Variants in ALG10 observed in about 807,000 individuals in gnomAD.
The protein encoded by ALG10 is ALG10 alpha-1,2-glucosyltransferase.
Under a neutral mutation model 39.2 loss-of-function variants are expected in ALG10, and 25 were observed. The ratio of observed to expected loss-of-function variants is 0.64; its 90% CI spans 0.46 to 0.89. ALG10 has a LOEUF of 0.89. ALG10 is among the 40% of genes least tolerant of loss of function. ALG10 has a pLI of 0.00. For missense variants in ALG10, 486 were observed against 546.6 expected (o/e 0.89, Z 1.11); for synonymous variants, 184 against 193.9 (o/e 0.95, Z 0.42).
rs1475414478 is a variant in ALG10 at position 34,026,728 on chromosome 12, T to G, written c.1235T>G (p.Leu412Arg). The change falls in exon 3 of 3, where the codon CTG becomes CGG. Residue 412 changes from leucine to arginine, a missense_variant. By Grantham distance (102) the Leu-to-Arg change is moderately radical. Transcript: ENST00000266483. ...TTCACTGTTATAGTTCCTCAGAAAC[T>G]GCTGGAATTTCGTTACTTCATTTTA... ...CLFTVIVPQK[L>R]LEFRYFILPY... is the part of the protein sequence containing the mutation. The G allele has an allele frequency of 1.2e-6, 2 of 1,613,958 alleles. No individual in the cohort carries two copies. Among genetic ancestry groups the G allele is most frequent in the South Asian group, 2.2e-5 (2 of 91,066 alleles).
rs768448511 is a variant in ALG10, at chr12:34,022,604, C to T, written c.5C>T (p.Ala2Val). 1.3e-5 allele frequency: 21 copies of T among 1,613,936 alleles called. No homozygotes were observed. The highest frequency in any genetic ancestry group is 1.5e-5 in the Non-Finnish European group (18 of 1,179,998). The change falls in exon 1 of 3, where the codon GCG becomes GTG. Residue 2 changes from alanine to valine, a missense_variant. By Grantham distance (64) the Ala-to-Val change is moderately conservative (BLOSUM62 0). Coordinates refer to ENST00000266483, the MANE Select transcript of ALG10 (RefSeq NM_032834.4). Reference sequence around the variant, plus strand: ...GCAGTGGCTGTGGGAGCTGGAATGGCGCAGCTGGAAGGTTACTATTTCTCG... The same window carrying T: ...GCAGTGGCTGTGGGAGCTGGAATGGTGCAGCTGGAAGGTTACTATTTCTCG... The part of the protein sequence containing the change: M[A>V]QLEGYYFSAA...
At chr12:34,022,388 AT>A, upstream of ALG10, 1 of 705,632 alleles carries the variant, frequency 1.4e-6, no homozygotes, top group Admixed American at 2.8e-5. Flanking sequence ...GAGGGTAATC[AT>A]CCGGTCCGTT....
At position 34,026,023 on chromosome 12, in the gene ALG10, T is replaced by A. The variant is rs1565603206; in HGVS notation, c.530T>A (p.Phe177Tyr). Residue 177 changes from phenylalanine to tyrosine, a missense_variant, in exon 3 of 3, where the codon TTC becomes TAC. By Grantham distance (22) the Phe-to-Tyr change is conservative. Coordinates refer to ENST00000266483, the MANE Select transcript of ALG10 (RefSeq NM_032834.4). Reference sequence around the variant, plus strand: ...TATGGAAATCATAAAACTTCAGCCTTCCTTGGATTTTGTGGCTTCATGTTT... The same window carrying A: ...TATGGAAATCATAAAACTTCAGCCTACCTTGGATTTTGTGGCTTCATGTTT... ...CLYGNHKTSA[F>Y]LGFCGFMFRQ... 1.2e-6 allele frequency: 2 copies of A among 1,614,100 alleles called. No homozygotes were observed. The highest frequency in any genetic ancestry group is 3.3e-5 in the Admixed American group (2 of 60,006).
At chr12:34,025,813 G>A (rs924083077) in intron 2 of ALG10, 50 bp from the exon 3 acceptor site, 10 of 1,607,616 alleles carry the variant, frequency 6.2e-6, no homozygotes, top group Non-Finnish European at 8.5e-6. Context: ...AGCAGAAATA[G>A]CATTTTTTGT....
chr12:34,026,049 C>T lies in ALG10; in HGVS notation c.556C>T (p.Arg186Trp), dbSNP rs1283038610. 8.7e-6 allele frequency: 14 copies of T among 1,613,822 alleles called. No homozygotes were observed. The highest frequency in any genetic ancestry group is 3.3e-5 in the Admixed American group (2 of 59,966). The change falls in exon 3 of 3, where the codon CGG (arginine) becomes TGG (tryptophan). Residue 186 changes from arginine to tryptophan, a missense_variant. Coordinates refer to ENST00000266483, the MANE Select transcript of ALG10 (RefSeq NM_032834.4). ...AFLGFCGFMF[R>W]QTNIIWAVFC... ...CCTTGGATTTTGTGGCTTCATGTTT[C>T]GGCAAACAAATATCATCTGGGCTGT...
In ALG10 at chr12:34,027,179, GC is replaced by G. The variant is rs1942843314; in HGVS notation, c.*268del. On this transcript the variant is annotated 3_prime_UTR_variant, in exon 3 of 3. Transcript: ENST00000266483. ...ATCTCATATCACTCTCATAATGTTG[GC>G]CCCTTAAAAAGCTTGGGAATGTTTT... 3.6e-6 allele frequency: 1 copy of G among 279,124 alleles called. No individual in the cohort carries two copies. The highest frequency in any genetic ancestry group is 6.6e-6 in the Non-Finnish European group (1 of 152,470). The allele number at this position is 279,124 out of a possible 1,614,324, so 17.3% of individuals were successfully genotyped here.
Position 34,026,547 on chromosome 12 carries a change from A to G in ALG10, c.1054A>G (p.Arg352Gly). ...TCATAAATACTTGCTAGCAGACAATAGACATTATACTTTCTATGTGTGGAA... is the reference window on the plus strand; with the variant it reads ...TCATAAATACTTGCTAGCAGACAATGGACATTATACTTTCTATGTGTGGAA... ...YAHKYLLADNRHYTFYVWKRV... is the reference protein window; with the variant it reads ...YAHKYLLADNGHYTFYVWKRV... The change falls in exon 3 of 3, where the codon AGA becomes GGA. Residue 352 changes from arginine to glycine, a missense_variant. Physicochemically the swap from Arg to Gly is moderately radical, Grantham distance 125 (BLOSUM62 -2). Coordinates refer to ENST00000266483, the MANE Select transcript of ALG10 (RefSeq NM_032834.4). 1.9e-6 allele frequency: 3 copies of G among 1,613,814 alleles called. No individual in the cohort carries two copies. The highest frequency in any genetic ancestry group is 1.7e-6 in the Non-Finnish European group (2 of 1,179,890).
At position 34,026,783 on chromosome 12, in the gene ALG10, T is replaced by A. The variant is rs1942838100; in HGVS notation, c.1290T>A (p.Pro430=). ...ATGTCATTTATAGGCTTAACATACC[T>A]CTGCCTCCCACATCCAGACTCATTT... The part of the protein sequence containing the change: ...LPYVIYRLNI[P]LPPTSRLICE... Residue 430 remains proline, a synonymous_variant, in exon 3 of 3, where the codon CCT becomes CCA. Transcript: ENST00000266483. The A allele has an allele frequency of 6.2e-7, 1 of 1,613,902 alleles. No individual in the cohort carries two copies. The highest frequency in any genetic ancestry group is 8.5e-7 in the Non-Finnish European group (1 of 1,179,916).
At position 34,026,720 on chromosome 12, in the gene ALG10, T is replaced by C. The variant is rs1942837411; in HGVS notation, c.1227T>C (p.Pro409=). Residue 409 remains proline, a synonymous_variant, in exon 3 of 3, where the codon CCT becomes CCC. Coordinates refer to ENST00000266483, the MANE Select transcript of ALG10 (RefSeq NM_032834.4). ...TATGCTTGTTCACTGTTATAGTTCC[T>C]CAGAAACTGCTGGAATTTCGTTACT... ...FFICLFTVIV[P]QKLLEFRYFI... 1 of 1,613,824 alleles carries C rather than the reference T, an allele frequency of 6.2e-7. No homozygotes were observed. Among genetic ancestry groups the C allele is most frequent in the African/African-American group, 1.3e-5 (1 of 74,922 alleles).
Position 34,022,629 on chromosome 12 carries a change from G to A in ALG10, c.30G>A (p.Ser10=). MAQLEGYYF[S]AALSCTFLVS... ...CGCAGCTGGAAGGTTACTATTTCTCGGCCGCCTTGAGCTGTACCTTTTTAG... is the reference window on the plus strand; with the variant it reads ...CGCAGCTGGAAGGTTACTATTTCTCAGCCGCCTTGAGCTGTACCTTTTTAG... Residue 10 remains serine, a synonymous_variant, in exon 1 of 3, where the codon TCG becomes TCA. Transcript: ENST00000266483. 6.2e-7 allele frequency: 1 copy of A among 1,614,126 alleles called. No individual in the cohort carries two copies. The highest frequency in any genetic ancestry group is 1.3e-5 in the African/African-American group (1 of 75,026).
rs1488967375 is a variant in ALG10, at chr12:34,022,634, C to A, written c.35C>A (p.Ala12Asp). The A allele has an allele frequency of 3.1e-6, 5 of 1,614,026 alleles. No individual in the cohort carries two copies. Among genetic ancestry groups the A allele is most frequent in the Non-Finnish European group, 4.2e-6 (5 of 1,180,018 alleles). Residue 12 changes from alanine to aspartate, a missense_variant, in exon 1 of 3, where the codon GCC becomes GAC. Physicochemically the swap from Ala to Asp is moderately radical, Grantham distance 126. Transcript: ENST00000266483. ...AQLEGYYFSA[A>D]LSCTFLVSCL... ...CTGGAAGGTTACTATTTCTCGGCCG[C>A]CTTGAGCTGTACCTTTTTAGTATCC...
chr12:34,025,189 G>A (rs1942817704), intron 2 of ALG10, among the ~76,000 whole-genome samples: 1 of 152,102 alleles, frequency 6.6e-6, no homozygotes, highest in Admixed American at 6.5e-5. Flanking sequence ...TCAAGGAAAT[G>A]GCATGGTCTG....
At position 34,027,705 on chromosome 12, in the gene ALG10, T is replaced by C. The variant is rs1942849837; in HGVS notation, c.*790T>C. On this transcript the variant is annotated 3_prime_UTR_variant, in exon 3 of 3. Coordinates refer to ENST00000266483, the MANE Select transcript of ALG10 (RefSeq NM_032834.4). ...ACAAATGACGACAAACTTGGGTGCT[T>C]ACAACAATTTTCCTCACAGTCTGGA... is the stretch of plus-strand genomic sequence containing the variant. The C allele has an allele frequency of 6.6e-6, 1 of 152,180 alleles. No individual in the cohort carries two copies. The highest frequency in any genetic ancestry group is 1.5e-5 in the Non-Finnish European group (1 of 68,024). 9.4% of individuals were successfully genotyped at this position (152,180 alleles called of 1,614,324 possible).
chr12:34,025,510 G>A (rs1942821000), intron 2 of ALG10, among the ~76,000 whole-genome samples: 1 of 152,120 alleles, frequency 6.6e-6, no homozygotes, highest in South Asian at 2.1e-4. Context: ...CAGGGAAATG[G>A]AGCCAGCACC....
chr12:34,026,766 T>C lies in ALG10; in HGVS notation c.1273T>C (p.Tyr425His), dbSNP rs1942837872. The C allele has an allele frequency of 6.2e-7, 1 of 1,614,002 alleles. No individual in the cohort carries two copies. The highest frequency in any genetic ancestry group is 1.7e-5 in the Admixed American group (1 of 60,014). ...TTACTTCATTTTACCTTATGTCATT[T>C]ATAGGCTTAACATACCTCTGCCTCC... The part of the protein sequence containing the change: ...FRYFILPYVI[Y>H]RLNIPLPPTS... Residue 425 changes from tyrosine (Y) to histidine (H), a missense_variant, in exon 3 of 3, where the codon TAT becomes CAT. Physicochemically the swap from Tyr to His is moderately conservative, Grantham distance 83 (BLOSUM62 2). Transcript: ENST00000266483.
Position 34,024,068 on chromosome 12 carries a change from T to A in ALG10, c.278T>A (p.Ile93Asn), listed in dbSNP as rs754158100. The stretch of plus-strand genomic sequence containing the variant: ...TGGTCTGAACATGTTGTCTGCTCCA[T>A]TGGGATGCTCAGATTTGTTAATCTT... The part of the protein sequence containing the change: ...FGWSEHVVCS[I>N]GMLRFVNLLF... Residue 93 changes from isoleucine (I) to asparagine (N), a missense_variant, in exon 2 of 3, where the codon ATT (isoleucine) becomes AAT (asparagine). Ile to Asn is a moderately radical substitution (Grantham distance 149). Coordinates refer to ENST00000266483, the MANE Select transcript of ALG10 (RefSeq NM_032834.4). The A allele has an allele frequency of 4.3e-6, 7 of 1,614,064 alleles. No homozygotes were observed. The highest frequency in any genetic ancestry group is 1.7e-5 in the Admixed American group (1 of 60,004).
chr12:34,022,384 A>T (rs1245425303), upstream of ALG10: 1 of 640,764 alleles, frequency 1.6e-6, no homozygotes, highest in Non-Finnish European at 2.6e-6. Flanking sequence ...TTGAGAGGGT[A>T]ATCATCCGGT....
At chr12:34,024,396 C>G (rs1252807181) in intron 2 of ALG10, among the ~76,000 whole-genome samples, 1 of 148,138 alleles carries the variant, frequency 6.8e-6, no homozygotes, top group East Asian at 1.9e-4. Context: ...TGAGTCAAAC[C>G]AGTTCAATAA....
At position 34,026,563 on chromosome 12, in the gene ALG10, A is replaced by C; in HGVS notation, c.1070A>C (p.Tyr357Ser). 4 of 1,613,694 alleles carry C rather than the reference A, an allele frequency of 2.5e-6. No homozygotes were observed. Among genetic ancestry groups the C allele is most frequent in the Non-Finnish European group, 3.4e-6 (4 of 1,179,858 alleles). ...GCAGACAATAGACATTATACTTTCT[A>C]TGTGTGGAAAAGAGTTTTTCAAAGA... ...LLADNRHYTF[Y>S]VWKRVFQRYE... The change falls in exon 3 of 3, where the codon TAT becomes TCT. Residue 357 changes from tyrosine to serine, a missense_variant. Coordinates refer to ENST00000266483, the MANE Select transcript of ALG10 (RefSeq NM_032834.4).
Sources: allele counts gnomAD v4.1 joint callset (sites outside exome capture counted in the v4.1 genomes callset), GRCh38; gene constraint gnomAD v4.1.1; transcripts MANE v1.5; gene names NCBI Gene and HGNC (gene_info 2026-07-23, HGNC 2026-07-21).